CKAP5: variants seen among roughly 807,000 people sequenced by gnomAD.
CKAP5 encodes cytoskeleton-associated protein 5.
A neutral mutation model predicts 232.8 loss-of-function variants in CKAP5; 27 were observed. That is an observed-to-expected ratio of 0.12 (90% CI 0.09 to 0.16). CKAP5 has a LOEUF of 0.16. Among genes scored for constraint, CKAP5 ranks in the 10% least tolerant of loss-of-function variants. CKAP5 has a pLI of 1.00. For synonymous variants in CKAP5, 785 were observed against 841.1 expected (o/e 0.93, Z 1.16); for missense variants, 1,838 against 2,424.7 (o/e 0.76, Z 5.08).
intron 24 of CKAP5, among the ~76,000 whole-genome samples, chr11:46,773,237 A>G (rs562688600): frequency 1.3e-5 from 2 of 151,326 alleles, no homozygotes; most frequent in South Asian, 4.2e-4. Context: ...ACTCTGATGG[A>G]TTTTTGAATG....
Position 46,744,525 on chromosome 11 carries a change from C to T in CKAP5, c.5757G>A (p.Val1919=). The change falls in exon 43 of 44, where the codon GTG becomes GTA. Residue 1919 remains valine (V), a synonymous_variant. Coordinates refer to ENST00000529230, the MANE Select transcript of CKAP5 (RefSeq NM_001008938.4). ...VTCVPTPTST[V]SSIGNTNGEE... ...CCCCATTTGTGTTACCTATGGAGGA[C>T]ACTGTGCTTGTGGGCGTGGGCACAC... 6.2e-7 allele frequency: 1 copy of T among 1,614,134 alleles called. No homozygotes were observed. The highest frequency in any genetic ancestry group is 1.7e-5 in the Admixed American group (1 of 60,006).
At position 46,755,003 on chromosome 11, in the gene CKAP5, A is replaced by G. The variant is rs1224738234; in HGVS notation, c.4754T>C (p.Leu1585Pro). The G allele has an allele frequency of 6.2e-7, 1 of 1,613,896 alleles. No homozygotes were observed. The highest frequency in any genetic ancestry group is 8.5e-7 in the Non-Finnish European group (1 of 1,179,974). The change falls in exon 36 of 44, where the codon CTG (leucine) becomes CCG (proline). Residue 1585 changes from leucine to proline, a missense_variant. Physicochemically the swap from Leu to Pro is moderately conservative, Grantham distance 98. Coordinates refer to ENST00000529230, the MANE Select transcript of CKAP5 (RefSeq NM_001008938.4). Reference protein sequence around the residue: ...EAMSGHIDQFLIATFMQLRLI... With the variant: ...EAMSGHIDQFPIATFMQLRLI... ...TCTTAGCTGCATAAAAGTGGCTATC[A>G]GAAACTGATCAATATGGCCGGACAT...
At chr11:46,783,766 C>T (rs1225567752) in intron 17 of CKAP5, among the ~76,000 whole-genome samples, 1 of 151,784 alleles carries the variant, frequency 6.6e-6, no homozygotes, top group African/African-American at 2.4e-5. Context: ...AGTACAGTGG[C>T]GTGATCTCGG....
rs571632402 is a variant in CKAP5 at position 46,786,815 on chromosome 11, A to G, written c.1968+1866T>C. Among the ~76,000 whole-genome samples, 46 of 152,206 alleles carry G rather than the reference A, an allele frequency of 3.0e-4. 1 individual carries two copies. The highest frequency in any genetic ancestry group is 9.9e-4 in the African/African-American group (41 of 41,528). ...GTATCTCTGGCATGACCCAGCGCGCACACACACACAAACATACACACCTTC... is the reference window on the plus strand; with the variant it reads ...GTATCTCTGGCATGACCCAGCGCGCGCACACACACAAACATACACACCTTC... On this transcript the variant is annotated intron_variant, in intron 16 of 43. Coordinates refer to ENST00000529230, the MANE Select transcript of CKAP5 (RefSeq NM_001008938.4).
chr11:46,825,584 A>G (rs1939633060), intron 1 of CKAP5, among the ~76,000 whole-genome samples: 1 of 152,154 alleles, frequency 6.6e-6, no homozygotes. Flanking sequence ...GCTCTTCACT[A>G]TCACAATACA....
intron 1 of CKAP5, among the ~76,000 whole-genome samples, chr11:46,845,167 A>T (rs1277832367): frequency 6.6e-6 from 1 of 152,256 alleles, no homozygotes. Context: ...GGTCAAAAGA[A>T]GGACTTTTCA....
chr11:46,836,428 C>T (rs191838008), intron 1 of CKAP5, among the ~76,000 whole-genome samples: 1 of 152,288 alleles, frequency 6.6e-6, no homozygotes, highest in East Asian at 1.9e-4. Context: ...AGTGAGAACA[C>T]TAGGTCAGGC....
chr11:46,798,231 T>C, intron 9 of CKAP5, 59 bp from the exon 10 acceptor site: 1 of 1,200,362 alleles, frequency 8.3e-7, no homozygotes, highest in Non-Finnish European at 1.2e-6. Flanking sequence ...TATATTGATA[T>C]ATCCTAGAAC....
At chr11:46,757,001 G>A (rs928176619) in intron 35 of CKAP5, among the ~76,000 whole-genome samples, 14 of 151,030 alleles carry the variant, frequency 9.3e-5, no homozygotes, top group Middle Eastern at 3.4e-3. Context: ...CTGACCTCAG[G>A]TGATCTGCCC....
intron 25 of CKAP5, 134 bp from the exon 26 acceptor site, chr11:46,770,232 G>C: frequency 1.2e-6 from 1 of 835,416 alleles, no homozygotes; most frequent in Non-Finnish European, 1.9e-6. Flanking sequence ...AAGGGAGGCA[G>C]TACATGGTGT....
At chr11:46,761,902 A>G (rs1401457693) in intron 32 of CKAP5, 98 bp downstream of exon 32, 1 of 983,314 alleles carries the variant, frequency 1.0e-6, no homozygotes, top group Non-Finnish European at 1.5e-6. Flanking sequence ...AAAAGTAGTA[A>G]AAACTTAGCT....
rs771325751 is a variant in CKAP5 at position 46,809,472 on chromosome 11, T to A, written c.792A>T (p.Gln264His). The A allele has an allele frequency of 1.2e-6, 2 of 1,613,270 alleles. No individual in the cohort carries two copies. The highest frequency in any genetic ancestry group is 3.3e-5 in the Admixed American group (2 of 59,928). ...CTTCTAAAAGCTCATAAGCATCTAT[T>A]TGTGGCACCTCATCACCATCATCAC... is the stretch of plus-strand genomic sequence containing the variant. Reference protein sequence around the residue: ...GGGDDGDEVPQIDAYELLEAV... With the variant: ...GGGDDGDEVPHIDAYELLEAV... The change falls in exon 7 of 44, where the codon CAA (glutamine) becomes CAT (histidine). Residue 264 changes from glutamine to histidine, a missense_variant. This residue lies in a region of CKAP5 where 285 missense variants were observed against 300.0 expected (regional missense o/e 0.95). Coordinates refer to ENST00000529230, the MANE Select transcript of CKAP5 (RefSeq NM_001008938.4).
In CKAP5 at chr11:46,790,591, C is replaced by G. The variant is rs1416307345; in HGVS notation, c.1651-8G>C. Reference sequence around the variant, plus strand: ...TTTTGGTGGCCCACCAGCCTAAAAACAATTTAAAAAATAAAAATTAAACCA... The same window carrying G: ...TTTTGGTGGCCCACCAGCCTAAAAAGAATTTAAAAAATAAAAATTAAACCA... On this transcript the variant is annotated splice_region_variant and splice_polypyrimidine_tract_variant and intron_variant, in intron 13 of 43. Coordinates refer to ENST00000529230, the MANE Select transcript of CKAP5 (RefSeq NM_001008938.4). 6.3e-7 allele frequency: 1 copy of G among 1,588,686 alleles called. No individual in the cohort carries two copies. Among genetic ancestry groups the G allele is most frequent in the Admixed American group, 1.7e-5 (1 of 57,652 alleles).
intron 13 of CKAP5, among the ~76,000 whole-genome samples, chr11:46,791,223 TA>T (rs1178916160): frequency 1.3e-5 from 2 of 151,554 alleles, no homozygotes; most frequent in African/African-American, 4.8e-5. Context: ...CTGATACCTT[TA>T]TTTTTTTTAC....
Position 46,797,840 on chromosome 11 carries a change from T to C in CKAP5, c.1303A>G (p.Ser435Gly). 1 of 1,613,566 alleles carries C rather than the reference T, an allele frequency of 6.2e-7. No homozygotes were observed. The change falls in exon 11 of 44, where the codon AGC (serine) becomes GGC (glycine). Residue 435 changes from serine to glycine, a missense_variant. Around this residue, in one of 6 missense-constraint regions of CKAP5, gnomAD observed 767 missense variants for 954.6 expected, o/e 0.80. Transcript: ENST00000529230. Reference sequence around the variant, plus strand: ...GCAGCACAAAAGGGCTTTAGCAAGCTCTTTGGCAGGGTAGAAGCAGTGCAG... The same window carrying C: ...GCAGCACAAAAGGGCTTTAGCAAGCCCTTTGGCAGGGTAGAAGCAGTGCAG... ...RHCTASTLPKSLLKPFCAALL... is the reference protein window; with the variant it reads ...RHCTASTLPKGLLKPFCAALL...
intron 38 of CKAP5, 108 bp downstream of exon 38, chr11:46,752,527 G>T (rs2134573246): frequency 1.3e-6 from 1 of 742,376 alleles, no homozygotes; most frequent in Non-Finnish European, 2.2e-6. Flanking sequence ...GGTGTGACTT[G>T]GTTGATTTGA....
Position 46,801,188 on chromosome 11 carries a change from A to G in CKAP5, c.1083+12T>C, listed in dbSNP as rs754075445. On this transcript the variant is annotated intron_variant, in intron 9 of 43. Transcript: ENST00000529230. ...TTTTGTTGATCTGTATCTAAAAAGGAGTGTTACTTACATGTCCTGCATATT... is the reference window on the plus strand; with the variant it reads ...TTTTGTTGATCTGTATCTAAAAAGGGGTGTTACTTACATGTCCTGCATATT... The G allele has an allele frequency of 6.3e-6, 10 of 1,578,550 alleles. No homozygotes were observed. In the Admixed American group the frequency reaches 1.5e-4, roughly 24 times the overall value.
chr11:46,825,323 CAG>C (rs773936899), intron 1 of CKAP5, among the ~76,000 whole-genome samples: 1 of 152,112 alleles, frequency 6.6e-6, no homozygotes, highest in Non-Finnish European at 1.5e-5. Context: ...TTAAAAGGGA[CAG>C]AGAGATTAAG....
rs184712545 is a variant in CKAP5 at position 46,823,870 on chromosome 11, G to A, written c.-37-2602C>T. ...TCAATATTATTAATAACATAGAAGC[G>A]GTCCTCCGTAATTCTCCATCCCTAG... On this transcript the variant is annotated intron_variant, in intron 1 of 43. Transcript: ENST00000529230. 2.8e-3 allele frequency among the ~76,000 whole-genome samples: 428 copies of A among 152,180 alleles called. 2 individuals carry two copies. The highest frequency in any genetic ancestry group is 9.6e-3 in the African/African-American group (400 of 41,492).
Sources: allele counts gnomAD v4.1 joint callset (sites outside exome capture counted in the v4.1 genomes callset), GRCh38; gene constraint gnomAD v4.1.1; regional missense constraint gnomAD v4.1.1; transcripts MANE v1.5; gene names NCBI Gene and HGNC (gene_info 2026-07-23, HGNC 2026-07-21).